SNX7: variants seen among roughly 807,000 people sequenced by gnomAD.
The protein encoded by SNX7 is sorting nexin 7.
In SNX7, 35 loss-of-function variants were observed where a neutral mutation model predicts 48.4. The observed-to-expected ratio is 0.72, with a 90% CI of 0.55 to 0.96. The LOEUF (loss-of-function observed/expected upper bound fraction) is 0.96, where lower values mean the gene tolerates loss of function less well. SNX7 is among the 40% of genes least tolerant of loss of function. The probability of loss-of-function intolerance (pLI) is 0.00; values close to 1 mark genes in which losing one functional copy is unlikely to be tolerated. For synonymous variants in SNX7, 190 were observed against 190.2 expected, an observed-to-expected ratio of 1.00 and a Z score of 0.01; for missense variants, 553 against 548.9, an observed-to-expected ratio of 1.01 and a Z score of -0.07.
At position 98,685,003 on chromosome 1, in the gene SNX7, T is replaced by C; in HGVS notation, c.299T>C (p.Val100Ala). 1.9e-6 allele frequency: 3 copies of C among 1,591,592 alleles called. No homozygotes were observed. The highest frequency in any genetic ancestry group is 2.2e-5 in the East Asian group (1 of 44,532). Residue 100 changes from valine to alanine, a missense_variant, in exon 2 of 9, where the codon GTT (valine) becomes GCT (alanine). Val to Ala is a moderately conservative substitution (Grantham distance 64). Coordinates refer to ENST00000306121, the MANE Select transcript of SNX7 (RefSeq NM_015976.5). ...GATTTAAAGGATCTCTTCATCACAG[T>C]TGATGAACCTGAAAGTCATGTTACT... ...EPDLKDLFITVDEPESHVTTI... is the reference protein window; with the variant it reads ...EPDLKDLFITADEPESHVTTI...
chr1:98,708,106 T>A (rs1652104016), intron 7 of SNX7, among the ~76,000 whole-genome samples: 1 of 152,218 alleles, frequency 6.6e-6, no homozygotes. Context: ...CCTGAACTTT[T>A]TACAAATTAT....
At chr1:98,754,479 T>C (rs893030252) in intron 8 of SNX7, among the ~76,000 whole-genome samples, 1 of 152,060 alleles carries the variant, frequency 6.6e-6, no homozygotes, top group African/African-American at 2.4e-5. Context: ...TTTGTGTATG[T>C]GTATGAAGAT....
At chr1:98,754,427 T>C (rs975011075) in intron 8 of SNX7, among the ~76,000 whole-genome samples, 1 of 152,074 alleles carries the variant, frequency 6.6e-6, no homozygotes, top group African/African-American at 2.4e-5. Flanking sequence ...CTTCCTTAAA[T>C]GTTTGCTATA....
At chr1:98,747,447 A>G (rs1484703227) in intron 8 of SNX7, among the ~76,000 whole-genome samples, 1 of 152,180 alleles carries the variant, frequency 6.6e-6, no homozygotes, top group South Asian at 2.1e-4. Context: ...ATTCTATGGA[A>G]CAATTCAAAT....
intron 1 of SNX7, among the ~76,000 whole-genome samples, chr1:98,680,295 C>T (rs1273010590): frequency 6.6e-6 from 1 of 152,100 alleles, no homozygotes; most frequent in Non-Finnish European, 1.5e-5. Context: ...CTAGGCGGCA[C>T]ACAGTATGGG....
At chr1:98,666,282 G>A (rs540395262) in intron 1 of SNX7, among the ~76,000 whole-genome samples, 1 of 152,316 alleles carries the variant, frequency 6.6e-6, no homozygotes, top group African/African-American at 2.4e-5. Context: ...AAAGCTATTA[G>A]CATCCCTAGC....
chr1:98,681,298 G>A (rs1043323826), intron 1 of SNX7, among the ~76,000 whole-genome samples: 12 of 152,144 alleles, frequency 7.9e-5, no homozygotes, highest in Non-Finnish European at 1.3e-4. Flanking sequence ...CATGGGAATC[G>A]TGGGAGTTAC....
intron 1 of SNX7, among the ~76,000 whole-genome samples, chr1:98,675,290 C>A (rs1650099684): frequency 6.6e-6 from 1 of 152,168 alleles, no homozygotes; most frequent in South Asian, 2.1e-4. Flanking sequence ...TATTTTCTTT[C>A]CTTTTATTGA....
chr1:98,679,009 T>C (rs1411040935), intron 1 of SNX7, among the ~76,000 whole-genome samples: 3 of 152,220 alleles, frequency 2.0e-5, no homozygotes, highest in Non-Finnish European at 4.4e-5. Context: ...TCCAGCACTC[T>C]GGCAGGATGT....
chr1:98,713,108 A>AAAAAAAC (rs1256234703), intron 7 of SNX7, among the ~76,000 whole-genome samples: 1 of 150,324 alleles, frequency 6.7e-6, no homozygotes, highest in Non-Finnish European at 1.5e-5. Flanking sequence ...AAAAAAAAAA[A>AAAAAAAC]AAAACTTGTC....
At position 98,678,450 on chromosome 1, in the gene SNX7, A is replaced by G. The variant is rs140898601; in HGVS notation, c.181-6435A>G. ...CCAAACTATATCAGTGTACATATGTATGTGTATGTCTCATATATTTATTTC... is the reference window on the plus strand; with the variant it reads ...CCAAACTATATCAGTGTACATATGTGTGTGTATGTCTCATATATTTATTTC... On this transcript the variant is annotated intron_variant, in intron 1 of 8. Transcript: ENST00000306121. Among the ~76,000 whole-genome samples, 437 of 152,320 alleles carry G rather than the reference A, an allele frequency of 2.9e-3. 2 individuals are homozygous for G. Among genetic ancestry groups the G allele is most frequent in the African/African-American group, 9.6e-3 (401 of 41,566 alleles).
At position 98,696,561 on chromosome 1, in the gene SNX7, T is replaced by C. The variant is rs917444507; in HGVS notation, c.838+845T>C. The stretch of plus-strand genomic sequence containing the variant: ...GTAGGAAAAGGTGCTTTATTAAGAA[T>C]TGATTGGTTTTAAAAAGAGATATAG... On this transcript the variant is annotated intron_variant, in intron 5 of 8. Transcript: ENST00000306121. Among the ~76,000 whole-genome samples, 3 of 152,042 alleles carry C rather than the reference T, an allele frequency of 2.0e-5. No homozygotes were observed. The South Asian group carries it at 6.2e-4, about 32-fold the overall frequency.
At chr1:98,703,495 T>C (rs1217015204) in intron 7 of SNX7, among the ~76,000 whole-genome samples, 2 of 151,842 alleles carry the variant, frequency 1.3e-5, no homozygotes, top group African/African-American at 4.8e-5. Context: ...GTAGACAGAG[T>C]AGGAGAAAGG....
intron 7 of SNX7, among the ~76,000 whole-genome samples, chr1:98,729,513 TTAA>T (rs1315620223): frequency 1.4e-5 from 2 of 143,760 alleles, no homozygotes; most frequent in Non-Finnish European, 3.1e-5. Context: ...TTTTGAAAAA[TTAA>T]TATTAGTAAT....
intron 7 of SNX7, among the ~76,000 whole-genome samples, chr1:98,709,373 CCA>C (rs1158663313): frequency 6.6e-6 from 1 of 152,120 alleles, no homozygotes; most frequent in African/African-American, 2.4e-5. Context: ...TGTGTAGTGA[CCA>C]CTCCCATTTG....
chr1:98,693,392 G>A (rs1047694051), intron 4 of SNX7, among the ~76,000 whole-genome samples: 1 of 152,208 alleles, frequency 6.6e-6, no homozygotes. Context: ...CAAATGTTGA[G>A]TTTTATATCT....
chr1:98,744,355 C>A (rs1654218304), intron 8 of SNX7, among the ~76,000 whole-genome samples: 1 of 151,628 alleles, frequency 6.6e-6, no homozygotes, highest in African/African-American at 2.4e-5. Context: ...TACCTGTGGA[C>A]CATGGATCAT....
chr1:98,684,518 G>A (rs1248281698), intron 1 of SNX7, among the ~76,000 whole-genome samples: 1 of 152,078 alleles, frequency 6.6e-6, no homozygotes, highest in Non-Finnish European at 1.5e-5. Flanking sequence ...CCTCTTATAA[G>A]GTGGCTAGTA....
chr1:98,708,914 C>T (rs1038586463), intron 7 of SNX7, among the ~76,000 whole-genome samples: 3 of 152,184 alleles, frequency 2.0e-5, no homozygotes, highest in African/African-American at 7.2e-5. Context: ...GGATTTTTCT[C>T]TCTGTCATTT....
Sources: allele counts gnomAD v4.1 joint callset (sites outside exome capture counted in the v4.1 genomes callset), GRCh38; gene constraint gnomAD v4.1.1; transcripts MANE v1.5; gene names NCBI Gene and HGNC (gene_info 2026-07-23, HGNC 2026-07-21).